LUZP2: variants seen among roughly 807,000 people sequenced by gnomAD.
LUZP2 encodes the protein leucine zipper protein 2.
In LUZP2, 52 loss-of-function variants were observed where a neutral mutation model predicts 51.6. The observed-to-expected ratio is 1.01, with a 90% CI of 0.81 to 1.27. The LOEUF is 1.27. Ranked by LOEUF, LUZP2 falls within the 50% of genes most tolerant of loss-of-function variation. LUZP2 has a pLI of 0.00. For missense variants in LUZP2, 436 were observed against 395.4 expected (o/e 1.10, Z -0.87); for synonymous variants, 154 against 137.3 (o/e 1.12, Z -0.85).
intron 5 of LUZP2, among the ~76,000 whole-genome samples, chr11:24,886,912 CACT>C (rs1292123559): frequency 6.6e-6 from 1 of 152,128 alleles, no homozygotes; most frequent in African/African-American, 2.4e-5. Context: ...ATGATTAGGT[CACT>C]AATGGAAAAT....
chr11:24,630,703 A>G (rs1473576235), intron 1 of LUZP2, among the ~76,000 whole-genome samples: 6 of 135,996 alleles, frequency 4.4e-5, no homozygotes, highest in African/African-American at 1.6e-4. Context: ...GCTGTTCCAT[A>G]CTAAGTTTAA....
At chr11:24,930,012 A>T (rs1441268957) in intron 7 of LUZP2, among the ~76,000 whole-genome samples, 7 of 152,090 alleles carry the variant, frequency 4.6e-5, no homozygotes, top group Non-Finnish European at 8.8e-5. Context: ...CACTGCTGCT[A>T]CTTTAAAGTT....
chr11:24,554,425 T>G lies in LUZP2; in HGVS notation c.62+57120T>G, dbSNP rs541785677. 6.6e-5 allele frequency among the ~76,000 whole-genome samples: 10 copies of G among 152,280 alleles called. No homozygotes were observed. The South Asian group carries it at 2.1e-3, about 32-fold the overall frequency. ...TTTAACATGATTTTCTGAAATATAC[T>G]ATGAGTTGCACAAATAATTTTAAAA... On this transcript the variant is annotated intron_variant, in intron 1 of 11. Transcript: ENST00000336930.
intron 5 of LUZP2, among the ~76,000 whole-genome samples, chr11:24,763,795 A>G (rs1180928424): frequency 1.3e-5 from 2 of 152,078 alleles, no homozygotes; most frequent in Non-Finnish European, 2.9e-5. Flanking sequence ...TACTGCATAC[A>G]TTTTTCTTCT....
chr11:24,718,342 G>C (rs1269667595), intron 1 of LUZP2, among the ~76,000 whole-genome samples: 1 of 152,196 alleles, frequency 6.6e-6, no homozygotes, highest in Non-Finnish European at 1.5e-5. Context: ...AGACCAAAAA[G>C]CTCGACCACT....
At chr11:25,049,909 A>G (rs1333929242) in intron 9 of LUZP2, 129 bp from the exon 10 acceptor site, 1 of 419,944 alleles carries the variant, frequency 2.4e-6, no homozygotes, top group Non-Finnish European at 4.1e-6. Context: ...TTCTTGTTTT[A>G]TTTTGATTGT....
chr11:24,991,415 T>C (rs1401090451), intron 9 of LUZP2, among the ~76,000 whole-genome samples: 1 of 148,216 alleles, frequency 6.7e-6, no homozygotes, highest in Non-Finnish European at 1.5e-5. Flanking sequence ...TATATATATA[T>C]ATATTCCATC....
chr11:24,821,358 T>C (rs1850350557), intron 5 of LUZP2, among the ~76,000 whole-genome samples: 1 of 152,282 alleles, frequency 6.6e-6, no homozygotes, highest in Admixed American at 6.5e-5. Context: ...AATGAGTAAG[T>C]ACATTCCGTT....
intron 1 of LUZP2, among the ~76,000 whole-genome samples, chr11:24,560,289 C>G (rs1311114270): frequency 6.6e-6 from 1 of 152,002 alleles, no homozygotes; most frequent in Non-Finnish European, 1.5e-5. Context: ...GAGAAATGAT[C>G]CAATAAAATA....
chr11:24,910,532 G>A (rs548371212), intron 6 of LUZP2, among the ~76,000 whole-genome samples: 6 of 152,298 alleles, frequency 3.9e-5, no homozygotes, highest in Middle Eastern at 3.4e-3. Context: ...AAGGGGCCAC[G>A]GTACATCTCA....
chr11:24,526,857 G>A (rs549001322), intron 1 of LUZP2, among the ~76,000 whole-genome samples: 2 of 151,158 alleles, frequency 1.3e-5, no homozygotes, highest in South Asian at 4.1e-4. Context: ...ATTGTTCTCA[G>A]CACAAAGCAG....
chr11:24,608,081 C>T (rs944758949), intron 1 of LUZP2, among the ~76,000 whole-genome samples: 1 of 152,134 alleles, frequency 6.6e-6, no homozygotes, highest in Non-Finnish European at 1.5e-5. Context: ...GATCTCCTGA[C>T]CTCATGATCC....
chr11:25,077,823 T>C (rs1859358528), intron 11 of LUZP2, among the ~76,000 whole-genome samples: 2 of 152,130 alleles, frequency 1.3e-5, no homozygotes, highest in Admixed American at 1.3e-4. Flanking sequence ...CACTCTTCTC[T>C]CTTGCTCTTG....
chr11:24,942,131 T>C (rs1397114997), intron 7 of LUZP2, among the ~76,000 whole-genome samples: 1 of 152,198 alleles, frequency 6.6e-6, no homozygotes, highest in Non-Finnish European at 1.5e-5. Context: ...TGGCATTTTC[T>C]TGCTTTAGGT....
At chr11:24,946,614 T>G (rs1854908952) in intron 7 of LUZP2, among the ~76,000 whole-genome samples, 1 of 151,908 alleles carries the variant, frequency 6.6e-6, no homozygotes, top group African/African-American at 2.4e-5. Flanking sequence ...CCTATATAGC[T>G]CCTTTGCCCC....
chr11:25,046,472 G>C lies in LUZP2; in HGVS notation c.766-3566G>C, dbSNP rs143749920. Among the ~76,000 whole-genome samples, 117 of 152,078 alleles carry C rather than the reference G, an allele frequency of 7.7e-4. 1 individual carries two copies. Among genetic ancestry groups the C allele is most frequent in the African/African-American group, 2.7e-3 (114 of 41,496 alleles). ...AAACATGTCCACTACCCTTGCTTCA[G>C]TACTGACCCTAATTTTACCTTCTCT... On this transcript the variant is annotated intron_variant, in intron 9 of 11. Transcript: ENST00000336930.
chr11:24,781,426 C>A (rs1849087067), intron 5 of LUZP2, among the ~76,000 whole-genome samples: 1 of 151,860 alleles, frequency 6.6e-6, no homozygotes, highest in African/African-American at 2.4e-5. Context: ...GCACTATTTA[C>A]CATTGTTGAA....
At chr11:24,664,707 A>T (rs1476862638) in intron 1 of LUZP2, among the ~76,000 whole-genome samples, 1 of 152,176 alleles carries the variant, frequency 6.6e-6, no homozygotes, top group Admixed American at 6.5e-5. Context: ...ATTGCTTCAG[A>T]TGATAAAAGC....
chr11:24,860,047 C>A (rs1261607465), intron 5 of LUZP2, among the ~76,000 whole-genome samples: 2 of 152,194 alleles, frequency 1.3e-5, no homozygotes, highest in African/African-American at 4.8e-5. Flanking sequence ...GCCTAACTCC[C>A]CGTGCAGGGG....
Sources: gnomAD v4.1 joint callset for allele counts (sites outside exome capture counted in the v4.1 genomes callset) on GRCh38, gnomAD v4.1.1 for gene constraint, MANE v1.5 for transcripts, NCBI Gene and HGNC (gene_info 2026-07-23, HGNC 2026-07-21) for gene names.